The following TRAF5 variants were observed in gnomAD, a reference collection of about 807,000 sequenced individuals.
TRAF5 encodes TNF receptor associated factor 5, also known as TNF receptor-associated factor 5.
In TRAF5, 48 loss-of-function variants were observed where a neutral mutation model predicts 64.5. That is an observed-to-expected ratio of 0.74 (90% CI 0.59 to 0.95). The LOEUF (loss-of-function observed/expected upper bound fraction) is 0.95, where lower values mean the gene tolerates loss of function less well. Ranked by LOEUF, TRAF5 falls within the 40% of genes least tolerant of loss-of-function variation. The pLI, the probability that TRAF5 is intolerant of heterozygous loss-of-function variation, is 0.00. For missense variants in TRAF5, 545 were observed against 662.8 expected, an observed-to-expected ratio of 0.82 and a Z score of 1.95; for synonymous variants, 206 against 240.5, an observed-to-expected ratio of 0.86 and a Z score of 1.33.
intron 9 of TRAF5, among the ~76,000 whole-genome samples, chr1:211,369,818 G>A (rs1169030989): frequency 2.0e-5 from 3 of 151,472 alleles, no homozygotes; most frequent in East Asian, 1.9e-4. Context: ...CTCCCCCGAC[G>A]TGTATGTGTG....
At chr1:211,349,031 C>A (rs1157066357) in intron 1 of TRAF5, among the ~76,000 whole-genome samples, 1 of 59,562 alleles carries the variant, frequency 1.7e-5, no homozygotes, top group African/African-American at 6.5e-5. Flanking sequence ...GAGACTCTGT[C>A]TCTAAAAAAA....
At chr1:211,369,708 A>G in intron 9 of TRAF5, 116 bp downstream of exon 9, 1 of 1,175,116 alleles carries the variant, frequency 8.5e-7, no homozygotes, top group Non-Finnish European at 1.2e-6. Context: ...CTGTAAGAAT[A>G]AGATGGTGCA....
At chr1:211,350,289 G>C (rs932366649) in intron 1 of TRAF5, among the ~76,000 whole-genome samples, 2 of 113,910 alleles carry the variant, frequency 1.8e-5, no homozygotes, top group African/African-American at 6.7e-5. Context: ...ATCATGACTC[G>C]CTGTGGCCTC....
At chr1:211,361,555 T>C (rs1703180237) in intron 7 of TRAF5, among the ~76,000 whole-genome samples, 1 of 152,172 alleles carries the variant, frequency 6.6e-6, no homozygotes, top group African/African-American at 2.4e-5. Flanking sequence ...ATCTGCTTAC[T>C]TCAAGTCTAC....
intron 7 of TRAF5, among the ~76,000 whole-genome samples, chr1:211,363,101 T>A (rs1406558699): frequency 2.0e-5 from 3 of 152,206 alleles, no homozygotes; most frequent in Non-Finnish European, 4.4e-5. Flanking sequence ...TAAAACATCT[T>A]ATGATATCTC....
At chr1:211,326,704 G>C (rs917423453), upstream of TRAF5, 1 of 986,024 alleles carries the variant, frequency 1.0e-6, no homozygotes, top group South Asian at 4.5e-5. The surrounding 1 kb of genome is among the most constrained non-coding windows in gnomAD (Gnocchi z 5.0). Context: ...CCTGGATGAC[G>C]GTCTCAGCCT....
Position 211,356,474 on chromosome 1 carries a change from T to C in TRAF5, c.378+6T>C, listed in dbSNP as rs993063150. 1 of 1,613,486 alleles carries C rather than the reference T, an allele frequency of 6.2e-7. No homozygotes were observed. The highest frequency in any genetic ancestry group is 8.5e-7 in the Non-Finnish European group (1 of 1,179,444). On this transcript the variant is annotated splice_donor_region_variant and intron_variant, in intron 4 of 10. Transcript: ENST00000261464. Reference sequence around the variant, plus strand: ...TTATTCTGGGCCGGTACCAGGTTGGTATTACTCATGAACGATATCTGCTTT... The same window carrying C: ...TTATTCTGGGCCGGTACCAGGTTGGCATTACTCATGAACGATATCTGCTTT...
At chr1:211,327,869 T>TAGG (rs1403048844) in intron 1 of TRAF5, among the ~76,000 whole-genome samples, 31 of 152,348 alleles carry the variant, frequency 2.0e-4, no homozygotes, top group Middle Eastern at 3.4e-3. Flanking sequence ...AGCCTTGGGC[T>TAGG]CTGACCCACC....
chr1:211,372,439 G>C lies in TRAF5; in HGVS notation c.1411G>C (p.Asp471His). Residue 471 changes from aspartate (D) to histidine (H), a missense_variant, in exon 11 of 11, where the codon GAC becomes CAC. Coordinates refer to ENST00000261464, the MANE Select transcript of TRAF5 (RefSeq NM_001033910.3). ...LYFVVMRGEF[D>H]SLLQWPFRQR... The stretch of plus-strand genomic sequence containing the variant: ...CTTTGTGGTCATGCGAGGAGAGTTT[G>C]ACTCACTGTTGCAGTGGCCATTCAG... The C allele has an allele frequency of 1.2e-6, 2 of 1,614,160 alleles. No homozygotes were observed. The highest frequency in any genetic ancestry group is 8.5e-7 in the Non-Finnish European group (1 of 1,180,032).
chr1:211,360,319 C>T (rs1703133406), intron 5 of TRAF5: 2 of 521,924 alleles, frequency 3.8e-6, no homozygotes, highest in South Asian at 2.2e-5. Flanking sequence ...GTAATGAATG[C>T]TGGGTGCTGA....
intron 5 of TRAF5, chr1:211,360,299 CTGTGT>C: frequency 1.8e-6 from 1 of 550,844 alleles, no homozygotes; most frequent in Non-Finnish European, 3.2e-6. Context: ...TGAACACATG[CTGTGT>C]ATGTGTAATG....
intron 1 of TRAF5, among the ~76,000 whole-genome samples, chr1:211,337,405 G>C (rs1420123698): frequency 1.3e-5 from 2 of 152,166 alleles, no homozygotes; most frequent in African/African-American, 4.8e-5. Context: ...AGACAAGGGG[G>C]AAGGCACTAG....
At chr1:211,336,928 G>C (rs148661947) in intron 1 of TRAF5, among the ~76,000 whole-genome samples, 1,855 of 152,262 alleles carry the variant, frequency 0.012, 16 homozygotes, top group Middle Eastern at 0.071. Context: ...CAAAGTGCCG[G>C]GATTAAAGGC....
At chr1:211,348,125 C>T (rs4951521) in intron 1 of TRAF5, among the ~76,000 whole-genome samples, 139,921 of 152,244 alleles carry the variant, frequency 0.92, 64,552 homozygotes, top group Middle Eastern at 0.98. Context: ...AGAGATGTTT[C>T]CCTGAAGCTA....
chr1:211,336,968 C>G (rs1355096206), intron 1 of TRAF5, among the ~76,000 whole-genome samples: 1 of 151,866 alleles, frequency 6.6e-6, no homozygotes, highest in Non-Finnish European at 1.5e-5. Context: ...CAGACCTCAA[C>G]TGATCCGCTC....
chr1:211,340,420 G>T (rs1228261501), intron 1 of TRAF5, among the ~76,000 whole-genome samples: 2 of 152,190 alleles, frequency 1.3e-5, no homozygotes, highest in Non-Finnish European at 2.9e-5. Context: ...GAGTAGCTGG[G>T]ATTACAGGTG....
intron 1 of TRAF5, 76 bp from the exon 2 acceptor site, chr1:211,353,163 A>T: frequency 7.2e-7 from 1 of 1,395,106 alleles, no homozygotes; most frequent in South Asian, 1.2e-5. Flanking sequence ...GAGACAAATA[A>T]CCAAAGCATC....
Position 211,365,370 on chromosome 1 carries a change from T to C in TRAF5, c.697-6T>C. The C allele has an allele frequency of 1.2e-6, 2 of 1,612,058 alleles. No homozygotes were observed. Among genetic ancestry groups the C allele is most frequent in the Non-Finnish European group, 1.7e-6 (2 of 1,179,206 alleles). On this transcript the variant is annotated splice_region_variant and splice_polypyrimidine_tract_variant and intron_variant, in intron 7 of 10. Transcript: ENST00000261464. ...AACCTGACTTATTTTTCTCTTCATA[T>C]TGAAGGATAAACGGAGGAACCTGCA...
chr1:211,333,509 G>GT (rs1328834900), intron 1 of TRAF5, among the ~76,000 whole-genome samples: 2 of 149,646 alleles, frequency 1.3e-5, no homozygotes, highest in African/African-American at 2.5e-5. Flanking sequence ...GTCTTGTTTT[G>GT]TTTTTTGAGA....
Sources: allele counts gnomAD v4.1 joint callset (sites outside exome capture counted in the v4.1 genomes callset), GRCh38; gene constraint gnomAD v4.1.1; non-coding constraint Gnocchi (gnomAD v3.1); transcripts MANE v1.5; gene names NCBI Gene and HGNC (gene_info 2026-07-23, HGNC 2026-07-21).